Variants in ROCK2 observed in about 807,000 individuals in gnomAD.
The protein encoded by ROCK2 is Rho associated coiled-coil containing protein kinase 2, also known as rho-associated protein kinase 2.
ROCK2 carries 61 observed loss-of-function variants against 195.1 expected under a neutral mutation model. The observed-to-expected ratio is 0.31, with a 90% CI of 0.25 to 0.39. ROCK2 has a LOEUF of 0.39. ROCK2 is among the 10% of genes least tolerant of loss of function. ROCK2 has a pLI of 1.00. For missense variants in ROCK2, 1,109 were observed against 1,637.4 expected (o/e 0.68, Z 5.57); for synonymous variants, 504 against 545.5 (o/e 0.92, Z 1.06).
chr2:11,296,825 T>C (rs1284074357), intron 1 of ROCK2, among the ~76,000 whole-genome samples: 1 of 152,176 alleles, frequency 6.6e-6, no homozygotes, highest in Non-Finnish European at 1.5e-5. Context: ...TGACAACTAA[T>C]GAAAGACTGT....
In ROCK2 at chr2:11,344,230, G is replaced by C. The variant is rs923351570; in HGVS notation, c.-94C>G. The C allele has an allele frequency of 6.1e-6, 8 of 1,320,070 alleles. No individual in the cohort carries two copies. In the African/African-American group the frequency reaches 1.2e-4, roughly 20 times the overall value. The allele number at this position is 1,320,070 out of a possible 1,614,324, so 81.8% of individuals were successfully genotyped here. On this transcript the variant is annotated 5_prime_UTR_variant, in exon 1 of 33. Transcript: ENST00000315872. The surrounding 1 kb of genome is among the most constrained non-coding windows in gnomAD (Gnocchi z 5.4). ...CCCCCGAACCACCAGCTCCGGCCGGGACTCCACCCGGGCCCACCGCCTGCC... is the reference window on the plus strand; with the variant it reads ...CCCCCGAACCACCAGCTCCGGCCGGCACTCCACCCGGGCCCACCGCCTGCC...
At chr2:11,212,731 C>T (rs1224402346) in intron 17 of ROCK2, among the ~76,000 whole-genome samples, 1 of 151,704 alleles carries the variant, frequency 6.6e-6, no homozygotes, top group African/African-American at 2.4e-5. Flanking sequence ...CATAATCCAC[C>T]AACAGAGTAA....
chr2:11,275,471 T>G (rs2148174073), intron 3 of ROCK2, among the ~76,000 whole-genome samples: 1 of 152,206 alleles, frequency 6.6e-6, no homozygotes, highest in Non-Finnish European at 1.5e-5. Context: ...GTTTCACTTC[T>G]GAAAATTAAC....
chr2:11,285,293 G>A lies in ROCK2; in HGVS notation c.324+1246C>T, dbSNP rs150302131. Among the ~76,000 whole-genome samples the A allele has an allele frequency of 4.1e-3, 613 of 150,890 alleles. 3 individuals are homozygous for A. The highest frequency in any genetic ancestry group is 0.013 in the African/African-American group (552 of 41,094). The stretch of plus-strand genomic sequence containing the variant: ...AAAAAAAAAAAAAAATGTTTAATAG[G>A]AGAAGAGGGACCCTGAAACCTTTCT... On this transcript the variant is annotated intron_variant, in intron 3 of 32. Coordinates refer to ENST00000315872, the MANE Select transcript of ROCK2 (RefSeq NM_004850.5).
At chr2:11,302,468 C>G (rs1667738734) in intron 1 of ROCK2, among the ~76,000 whole-genome samples, 3 of 152,110 alleles carry the variant, frequency 2.0e-5, no homozygotes, top group Admixed American at 1.3e-4. Context: ...TAACATTATT[C>G]CATACCTTCC....
chr2:11,263,672 C>CAA lies in ROCK2; in HGVS notation c.325-13876_325-13875dup, dbSNP rs35525681. 3.3e-3 allele frequency among the ~76,000 whole-genome samples: 478 copies of CAA among 145,272 alleles called. 3 individuals carry two copies. The highest frequency in any genetic ancestry group is 8.8e-3 in the African/African-American group (350 of 39,896). ...CAAGGCACACACACACACACACACACAAAAAAAAACAAAGAGCATGCTCTG... is the reference window on the plus strand; with the variant it reads ...CAAGGCACACACACACACACACACACAAAAAAAAAAACAAAGAGCATGCTCTG... On this transcript the variant is annotated intron_variant, in intron 3 of 32. Coordinates refer to ENST00000315872, the MANE Select transcript of ROCK2 (RefSeq NM_004850.5).
chr2:11,308,924 A>G, intron 1 of ROCK2: 1 of 1,611,968 alleles, frequency 6.2e-7, no homozygotes, highest in Non-Finnish European at 8.5e-7. Context: ...TCTACATCAA[A>G]CTTTGCACAA....
chr2:11,216,262 T>A (rs1664424286), intron 12 of ROCK2, 56 bp from the exon 13 acceptor site: 1 of 1,243,356 alleles, frequency 8.0e-7, no homozygotes, highest in South Asian at 1.3e-5. Flanking sequence ...TAAAACATAG[T>A]CTATAAATTT....
At chr2:11,263,642 T>C (rs10191466) in intron 3 of ROCK2, among the ~76,000 whole-genome samples, 212 of 113,886 alleles carry the variant, frequency 1.9e-3, no homozygotes, top group African/African-American at 5.5e-3. Context: ...ATATAAACTA[T>C]AGCACAAGGC....
chr2:11,290,201 G>A (rs1388669944), intron 1 of ROCK2, among the ~76,000 whole-genome samples: 1 of 152,168 alleles, frequency 6.6e-6, no homozygotes, highest in Non-Finnish European at 1.5e-5. Flanking sequence ...AGTTAGCTCA[G>A]GACTTGATTG....
intron 4 of ROCK2, among the ~76,000 whole-genome samples, chr2:11,245,206 G>A (rs1665570851): frequency 2.0e-5 from 3 of 149,766 alleles, no homozygotes; most frequent in African/African-American, 7.3e-5. Context: ...TTTGCTTGAT[G>A]TATAAAATAT....
chr2:11,329,198 C>G (rs1668641606), intron 1 of ROCK2, among the ~76,000 whole-genome samples: 1 of 151,960 alleles, frequency 6.6e-6, no homozygotes, highest in African/African-American at 2.4e-5. Flanking sequence ...GAAAAAAATT[C>G]ATTTTAACCT....
Position 11,208,463 on chromosome 2 carries a change from T to C in ROCK2, c.2204-16A>G. 7.1e-7 allele frequency: 1 copy of C among 1,406,716 alleles called. No individual in the cohort carries two copies. The highest frequency in any genetic ancestry group is 9.5e-7 in the Non-Finnish European group (1 of 1,054,316). The allele number at this position is 1,406,716 out of a possible 1,614,324, so 87.1% of individuals were successfully genotyped here. On this transcript the variant is annotated splice_polypyrimidine_tract_variant and intron_variant, in intron 18 of 32. Transcript: ENST00000315872. The stretch of plus-strand genomic sequence containing the variant: ...TTCTCCATTTCTAGTATAATAAAAA[T>C]GGACACAATCATAAATTTACAAATA...
intron 3 of ROCK2, among the ~76,000 whole-genome samples, chr2:11,283,069 C>CCT (rs1472042492): frequency 6.7e-6 from 1 of 150,200 alleles, no homozygotes; most frequent in Admixed American, 6.6e-5. Flanking sequence ...GAGTTTGAGA[C>CCT]CAGCCTGGCC....
At chr2:11,306,551 A>C (rs1350879408) in intron 1 of ROCK2, among the ~76,000 whole-genome samples, 3 of 152,338 alleles carry the variant, frequency 2.0e-5, no homozygotes, top group South Asian at 4.1e-4. Context: ...TGCCGTAGTT[A>C]CTAAATATTC....
At chr2:11,236,261 AG>A (rs1379925035) in intron 4 of ROCK2, among the ~76,000 whole-genome samples, 1 of 152,182 alleles carries the variant, frequency 6.6e-6, no homozygotes. Flanking sequence ...AACAGGAATA[AG>A]GAACATTAAA....
rs576855393 is a variant in ROCK2, at chr2:11,323,291, AC to A, written c.141+20704del. Among the ~76,000 whole-genome samples the A allele has an allele frequency of 8.5e-5, 13 of 152,342 alleles. No homozygotes were observed. The East Asian group carries it at 2.5e-3, about 29-fold the overall frequency. The stretch of plus-strand genomic sequence containing the variant: ...AGTTCTGCCACTTAGCAGCTGCATG[AC>A]TTTGGACAAACCTCCAAACCTCAGT... On this transcript the variant is annotated intron_variant, in intron 1 of 32. Transcript: ENST00000315872.
Position 11,260,123 on chromosome 2 carries a change from T to C in ROCK2, c.325-10325A>G, listed in dbSNP as rs1163712194. On this transcript the variant is annotated intron_variant, in intron 3 of 32. Transcript: ENST00000315872. ...TAGTCATTCCAGCAATGTTGTTAAA[T>C]ATAGTTTAAAATATGTCAACAGTGT... Among the ~76,000 whole-genome samples the C allele has an allele frequency of 1.3e-5, 2 of 151,444 alleles. 1 individual carries two copies. The highest frequency in any genetic ancestry group is 4.9e-5 in the African/African-American group (2 of 40,724).
intron 1 of ROCK2, among the ~76,000 whole-genome samples, chr2:11,295,000 G>T (rs1177154568): frequency 1.3e-5 from 2 of 151,844 alleles, no homozygotes; most frequent in African/African-American, 4.8e-5. Flanking sequence ...TGTTGCCCAG[G>T]TTGGTCTCGA....
Sources: allele counts gnomAD v4.1 joint callset (sites outside exome capture counted in the v4.1 genomes callset), GRCh38; gene constraint gnomAD v4.1.1; non-coding constraint Gnocchi (gnomAD v3.1); transcripts MANE v1.5; gene names NCBI Gene and HGNC (gene_info 2026-07-23, HGNC 2026-07-21).